The following ULK2 variants were observed in gnomAD, a reference collection of about 807,000 sequenced individuals.
ULK2 encodes serine/threonine-protein kinase ULK2.
In ULK2, 76 loss-of-function variants were observed where a neutral mutation model predicts 127.5. That is an observed-to-expected ratio of 0.60 (90% confidence interval 0.50 to 0.72). The LOEUF (loss-of-function observed/expected upper bound fraction) is 0.72. ULK2 is among the 30% of genes least tolerant of loss of function. The pLI is 0.00. For missense variants in ULK2, 1,144 were observed against 1,295.9 expected, an observed-to-expected ratio of 0.88 and a Z score of 1.80; for synonymous variants, 452 against 461.9, an observed-to-expected ratio of 0.98 and a Z score of 0.28.
chr17:19,817,039 T>C (rs1441171508), intron 12 of ULK2, 119 bp from the exon 13 acceptor site: 10 of 814,064 alleles, frequency 1.2e-5, no homozygotes, highest in Non-Finnish European at 1.6e-5. Context: ...TCCAATTCCA[T>C]CTAAGGTTTC....
chr17:19,804,060 A>T (rs1039042224), intron 15 of ULK2, among the ~76,000 whole-genome samples: 3 of 151,430 alleles, frequency 2.0e-5, no homozygotes, highest in Admixed American at 6.6e-5. Flanking sequence ...AATTTACTGA[A>T]CTCTCTCTCT....
chr17:19,853,532 A>T (rs1174605843), intron 3 of ULK2, among the ~76,000 whole-genome samples: 1 of 151,614 alleles, frequency 6.6e-6, no homozygotes, highest in Non-Finnish European at 1.5e-5. Flanking sequence ...TTTATCTCAC[A>T]GGAAAAGAGA....
At chr17:19,832,160 T>C (rs1180587132) in intron 10 of ULK2, among the ~76,000 whole-genome samples, 2 of 149,530 alleles carry the variant, frequency 1.3e-5, no homozygotes, top group Admixed American at 1.3e-4. Context: ...ATCTAATCAA[T>C]AAGCTAACTT....
intron 10 of ULK2, among the ~76,000 whole-genome samples, chr17:19,831,860 T>A (rs2041454762): frequency 6.7e-6 from 1 of 149,234 alleles, no homozygotes; most frequent in Non-Finnish European, 1.5e-5. Flanking sequence ...GCATGGTGGC[T>A]CACACTTGTA....
chr17:19,773,149 T>A lies in ULK2; in HGVS notation c.*3200A>T, dbSNP rs1457707727. 6.6e-6 allele frequency: 1 copy of A among 152,038 alleles called. No homozygotes were observed. Among genetic ancestry groups the A allele is most frequent in the Non-Finnish European group, 1.5e-5 (1 of 68,068 alleles). 9.4% of individuals were successfully genotyped at this position (152,038 alleles called of 1,614,324 possible). ...AAAAATAGCTGAGCGTGGTGGCGCA[T>A]GTCTGTAATCCTAGCTACCTGGGAG... On this transcript the variant is annotated 3_prime_UTR_variant, in exon 27 of 27. Transcript: ENST00000395544.
intron 20 of ULK2, among the ~76,000 whole-genome samples, chr17:19,787,837 C>A (rs1421689443): frequency 6.6e-6 from 1 of 152,228 alleles, no homozygotes; most frequent in East Asian, 1.9e-4. Context: ...AGTCTTGAAT[C>A]ACCAGCACCA....
chr17:19,818,552 T>C, intron 12 of ULK2, among the ~76,000 whole-genome samples: 1 of 152,080 alleles, frequency 6.6e-6, no homozygotes. Context: ...GGTCATTCTT[T>C]CTCGTAACAG....
chr17:19,852,181 C>T (rs1028804689), intron 3 of ULK2, among the ~76,000 whole-genome samples: 3 of 150,452 alleles, frequency 2.0e-5, no homozygotes, highest in Admixed American at 1.3e-4. Context: ...GCTGAGATCG[C>T]GCCACTGCAC....
In ULK2 at chr17:19,776,292, A is replaced by G. The variant is rs981050514; in HGVS notation, c.*57T>C. 1 of 1,477,030 alleles carries G rather than the reference A, an allele frequency of 6.8e-7. No homozygotes were observed. Among genetic ancestry groups the G allele is most frequent in the Admixed American group, 2.4e-5 (1 of 42,060 alleles). 91.5% of individuals were successfully genotyped at this position (1,477,030 alleles called of 1,614,324 possible). On this transcript the variant is annotated 3_prime_UTR_variant, in exon 27 of 27. Transcript: ENST00000395544. ...GATGGGGTGACAGAACTCAAGCTGT[A>G]ATCCCAAAGGCATCACCTCACGTTC...
intron 5 of ULK2, among the ~76,000 whole-genome samples, chr17:19,848,015 A>G (rs1023350990): frequency 6.6e-6 from 1 of 152,234 alleles, no homozygotes; most frequent in Non-Finnish European, 1.5e-5. Context: ...GTTGATGAGA[A>G]TAACTACGAG....
intron 18 of ULK2, 58 bp from the exon 19 acceptor site, chr17:19,796,340 T>G: frequency 6.9e-7 from 1 of 1,443,574 alleles, no homozygotes; most frequent in Non-Finnish European, 9.2e-7. Context: ...GCATGAACTA[T>G]TCAGTACTGG....
chr17:19,867,899 C>T lies in ULK2; in HGVS notation c.-482G>A, dbSNP rs2042391871. 1 of 151,022 alleles carries T rather than the reference C, an allele frequency of 6.6e-6. No homozygotes were observed. The highest frequency in any genetic ancestry group is 6.6e-5 in the Admixed American group (1 of 15,148). 9.4% of individuals were successfully genotyped at this position (151,022 alleles called of 1,614,324 possible). A position where few individuals can be genotyped will look rare whatever the true frequency, so the allele number is the denominator to read the frequency against. On this transcript the variant is annotated 5_prime_UTR_variant, in exon 1 of 27. Transcript: ENST00000395544. ...GCGCTTCCCCGCCTCGCGGCGGCGCCCAACGCCCTCGCGCGCGCTACCCGC... is the reference window on the plus strand; with the variant it reads ...GCGCTTCCCCGCCTCGCGGCGGCGCTCAACGCCCTCGCGCGCGCTACCCGC...
intron 10 of ULK2, among the ~76,000 whole-genome samples, chr17:19,833,127 G>GAAAAAAA (rs71157837): frequency 3.5e-5 from 4 of 115,488 alleles, no homozygotes; most frequent in East Asian, 2.6e-4. Context: ...TGTCTCAAAG[G>GAAAAAAA]AAAAAAAAAA....
Position 19,801,788 on chromosome 17 carries a change from GGTGA to G in ULK2, c.1426_1429del (p.Ser476LeufsTer144). The G allele has an allele frequency of 6.2e-7, 1 of 1,613,798 alleles. No individual in the cohort carries two copies. Among genetic ancestry groups the G allele is most frequent in the Non-Finnish European group, 8.5e-7 (1 of 1,179,932 alleles). On this transcript the variant is annotated frameshift_variant, in exon 16 of 27. Coordinates refer to ENST00000395544, the MANE Select transcript of ULK2 (RefSeq NM_014683.4). LOFTEE classifies it high-confidence loss of function. ...TAAACTCTACTTACCCAAAGGGGAA[GGTGA>G]GTAAGGCCTAGAAGACCCAGTGGAG...
At chr17:19,815,583 T>TTTATATGGCATTATA (rs2040969208) in intron 13 of ULK2, among the ~76,000 whole-genome samples, 3 of 152,212 alleles carry the variant, frequency 2.0e-5, no homozygotes, top group Non-Finnish European at 4.4e-5. Context: ...GCCCAGCAAC[T>TTTATATGGCATTATA]TATGGCATTA....
At chr17:19,837,244 C>T (rs1384363668) in intron 10 of ULK2, among the ~76,000 whole-genome samples, 5 of 151,878 alleles carry the variant, frequency 3.3e-5, no homozygotes, top group Non-Finnish European at 7.4e-5. Flanking sequence ...ATGACGAAAC[C>T]CTGTCTCTAC....
At position 19,773,433 on chromosome 17, in the gene ULK2, C is replaced by A. The variant is rs2086764083; in HGVS notation, c.*2916G>T. The A allele has an allele frequency of 6.6e-6, 1 of 152,150 alleles. No individual in the cohort carries two copies. The allele number at this position is 152,150 out of a possible 1,614,324, so 9.4% of individuals were successfully genotyped here. On this transcript the variant is annotated 3_prime_UTR_variant, in exon 27 of 27. Transcript: ENST00000395544. ...CTCCTGGACGGGACTCTAGTGAGGG[C>A]AGAACTGCTGGGCTGGTAATTCCTC...
intron 12 of ULK2, among the ~76,000 whole-genome samples, chr17:19,818,254 C>T (rs777787638): frequency 3.0e-4 from 45 of 149,540 alleles, no homozygotes; most frequent in Non-Finnish European, 4.9e-4. Flanking sequence ...ACCCGGTAGG[C>T]GGAGCTTGCA....
rs747961729 is a variant in ULK2 at position 19,804,777 on chromosome 17, G to T, written c.1211C>A (p.Pro404His). The change falls in exon 15 of 27, where the codon CCT (proline) becomes CAT (histidine). Residue 404 changes from proline to histidine, a missense_variant. By Grantham distance (77) the Pro-to-His change is moderately conservative. Coordinates refer to ENST00000395544, the MANE Select transcript of ULK2 (RefSeq NM_014683.4). The part of the protein sequence containing the change: ...PHSETAPIPV[P>H]TQIRNYQRIE... ...GCGCTGATAATTCCTTATTTGAGTA[G>T]GAACTGGAATTGGTGCTGTTTCGCT... The T allele has an allele frequency of 6.2e-7, 1 of 1,612,802 alleles. No homozygotes were observed. The highest frequency in any genetic ancestry group is 2.2e-5 in the East Asian group (1 of 44,860).
Sources: gnomAD v4.1 joint callset for allele counts (sites outside exome capture counted in the v4.1 genomes callset) on GRCh38, gnomAD v4.1.1 for gene constraint, MANE v1.5 for transcripts, NCBI Gene and HGNC (gene_info 2026-07-23, HGNC 2026-07-21) for gene names.